Variants in BRWD1 observed in about 807,000 individuals in gnomAD.
The protein encoded by BRWD1 is bromodomain and WD repeat domain containing 1.
BRWD1 carries 82 observed loss-of-function variants against 251.2 expected under a neutral mutation model. The observed-to-expected ratio is 0.33, with a 90% confidence interval of 0.27 to 0.39. BRWD1 has a LOEUF of 0.39. Among genes scored for constraint, BRWD1 ranks in the 10% least tolerant of loss-of-function variants. BRWD1 has a pLI of 1.00. For synonymous variants in BRWD1, 918 were observed against 902.8 expected, an observed-to-expected ratio of 1.02 and a Z score of -0.30; for missense variants, 2,233 against 2,711.6, an observed-to-expected ratio of 0.82 and a Z score of 3.92.
chr21:39,196,732 T>G lies in BRWD1; in HGVS notation c.6337A>C (p.Lys2113Gln). Residue 2113 changes from lysine (K) to glutamine (Q), a missense_variant, in exon 41 of 41, where the codon AAA (lysine) becomes CAA (glutamine). By Grantham distance (53) the Lys-to-Gln change is moderately conservative (BLOSUM62 1). This residue lies in a region of BRWD1 where 928 missense variants were observed against 970.0 expected (regional missense o/e 0.96). Transcript: ENST00000342449. Reference sequence around the variant, plus strand: ...GTTTCCTGTGAATCATGAATCACTTTTGTCTTACTAAAAGGAGCCTTTCCA... The same window carrying G: ...GTTTCCTGTGAATCATGAATCACTTGTGTCTTACTAAAAGGAGCCTTTCCA... ...TYGKAPFSKT[K>Q]VIHDSQETAE... 1 of 1,613,844 alleles carries G rather than the reference T, an allele frequency of 6.2e-7. No homozygotes were observed. Among genetic ancestry groups the G allele is most frequent in the East Asian group, 2.2e-5 (1 of 44,884 alleles).
chr21:39,230,388 C>T (rs2033563845), intron 25 of BRWD1, among the ~76,000 whole-genome samples: 1 of 152,134 alleles, frequency 6.6e-6, no homozygotes, highest in Non-Finnish European at 1.5e-5. Context: ...AAGTGCTAAG[C>T]ATAGTTTTCA....
intron 13 of BRWD1, 66 bp downstream of exon 13, chr21:39,274,308 A>C (rs1353667392): frequency 1.4e-4 from 88 of 632,236 alleles, no homozygotes; most frequent in Middle Eastern, 4.0e-4. Flanking sequence ...AGAGAGCGAG[A>C]GAGAGAGAGA....
At position 39,236,502 on chromosome 21, in the gene BRWD1, C is replaced by A. The variant is rs904189141; in HGVS notation, c.2766+93G>T. The A allele has an allele frequency of 2.6e-6, 3 of 1,160,342 alleles. No individual in the cohort carries two copies. In the African/African-American group the frequency reaches 4.7e-5, roughly 18 times the overall value. The allele number at this position is 1,160,342 out of a possible 1,614,324, so 71.9% of individuals were successfully genotyped here. A position where few individuals can be genotyped will look rare whatever the true frequency, so the allele number is the denominator to read the frequency against. ...CCAAGACACCCAAGGCACCACTATG[C>A]CAGTATCACGAGAAATGTTAAAACA... On this transcript the variant is annotated intron_variant, in intron 23 of 40. Transcript: ENST00000342449.
intron 6 of BRWD1, among the ~76,000 whole-genome samples, 180 bp from the exon 7 acceptor site, chr21:39,296,083 G>T (rs1159709786): frequency 6.6e-6 from 1 of 151,970 alleles, no homozygotes; most frequent in African/African-American, 2.4e-5. Flanking sequence ...ACTATAAAAA[G>T]ATTTTTTATT....
rs985170104 is a variant in BRWD1 at position 39,298,014 on chromosome 21, T to C, written c.349+418A>G. 3 of 985,978 alleles carry C rather than the reference T, an allele frequency of 3.0e-6. No homozygotes were observed. In the African/African-American group the frequency reaches 5.2e-5, roughly 17 times the overall value. The allele number at this position is 985,978 out of a possible 1,614,324, so 61.1% of individuals were successfully genotyped here. ...CTTGTTTTCAAGCTGCTACCAAATT[T>C]AGAAAATCACTTCCCTTTATAACAA... is the stretch of plus-strand genomic sequence containing the variant. On this transcript the variant is annotated intron_variant, in intron 5 of 40. Transcript: ENST00000342449.
intron 17 of BRWD1, among the ~76,000 whole-genome samples, chr21:39,264,201 G>GTA (rs1187588426): frequency 6.6e-6 from 1 of 152,074 alleles, no homozygotes; most frequent in African/African-American, 2.4e-5. Context: ...TTTGATAATA[G>GTA]TATTATCTGA....
intron 18 of BRWD1, among the ~76,000 whole-genome samples, chr21:39,257,342 T>C (rs952488087): frequency 1.3e-5 from 2 of 152,130 alleles, no homozygotes; most frequent in Non-Finnish European, 2.9e-5. Flanking sequence ...ACTGAGGACA[T>C]AGCATCAACT....
At chr21:39,231,795 C>T (rs2033626314) in intron 25 of BRWD1, among the ~76,000 whole-genome samples, 2 of 152,160 alleles carry the variant, frequency 1.3e-5, no homozygotes, top group Admixed American at 6.5e-5. Flanking sequence ...ATTATTATTT[C>T]CTTATTTTAT....
rs955221637 is a variant in BRWD1 at position 39,264,623 on chromosome 21, A to G, written c.1722T>C (p.Tyr574=). ...CCTGCTGAGTTTGCTCATCTAAGAC[A>G]TAATTATTAGAATCTCTAATAAGTG... ...YRPLIRDSNN[Y]VLDEQTQQAP... Residue 574 remains tyrosine, a synonymous_variant, in exon 17 of 41, where the codon TAT becomes TAC. Transcript: ENST00000342449. 4 of 1,613,232 alleles carry G rather than the reference A, an allele frequency of 2.5e-6. No homozygotes were observed. The highest frequency in any genetic ancestry group is 2.7e-5 in the African/African-American group (2 of 75,020).
intron 16 of BRWD1, 98 bp downstream of exon 16, chr21:39,264,793 C>G: frequency 6.5e-7 from 1 of 1,529,616 alleles, no homozygotes; most frequent in Non-Finnish European, 8.9e-7. Context: ...TCAAATCACT[C>G]AGCTAAACTG....
chr21:39,214,669 A>G (rs892998239), intron 32 of BRWD1, among the ~76,000 whole-genome samples: 1 of 152,096 alleles, frequency 6.6e-6, no homozygotes, highest in Non-Finnish European at 1.5e-5. Context: ...GTAGTTATAT[A>G]AAATGTTAAC....
chr21:39,229,873 G>A (rs1411285871), intron 25 of BRWD1, among the ~76,000 whole-genome samples: 1 of 152,004 alleles, frequency 6.6e-6, no homozygotes, highest in Non-Finnish European at 1.5e-5. Flanking sequence ...ACCTGGGACT[G>A]ACTACAGGTA....
chr21:39,217,534 T>G (rs1017594590), intron 31 of BRWD1: 2 of 163,120 alleles, frequency 1.2e-5, no homozygotes, highest in African/African-American at 4.8e-5. Context: ...ATGGATGGAC[T>G]TTTGATGAAA....
chr21:39,277,702 T>A (rs1464637667), intron 10 of BRWD1, among the ~76,000 whole-genome samples: 1 of 152,080 alleles, frequency 6.6e-6, no homozygotes, highest in African/African-American at 2.4e-5. Context: ...TAGCTGGGAT[T>A]ACAGGAGCAC....
chr21:39,287,048 A>T (rs1300735738), intron 8 of BRWD1, among the ~76,000 whole-genome samples: 1 of 152,214 alleles, frequency 6.6e-6, no homozygotes, highest in Non-Finnish European at 1.5e-5. Flanking sequence ...CCTTGCTGAC[A>T]TCATCACTTC....
At position 39,188,827 on chromosome 21, in the gene BRWD1, A is replaced by G. The variant is rs927005417; in HGVS notation, c.*7432T>C. 4 of 985,258 alleles carry G rather than the reference A, an allele frequency of 4.1e-6. No homozygotes were observed. Among genetic ancestry groups the G allele is most frequent in the Non-Finnish European group, 4.8e-6 (4 of 829,904 alleles). 61.0% of individuals were successfully genotyped at this position (985,258 alleles called of 1,614,324 possible). ...TTGCCAACTAACTTATGTGATTCAC[A>G]TGTTTTTCCAGTGAAATTCTAAGGG... On this transcript the variant is annotated 3_prime_UTR_variant, in exon 41 of 41. Transcript: ENST00000342449.
chr21:39,201,256 C>G (rs1362606588), intron 38 of BRWD1, among the ~76,000 whole-genome samples: 1 of 152,162 alleles, frequency 6.6e-6, no homozygotes, highest in Non-Finnish European at 1.5e-5. Flanking sequence ...ATCCTTTGAA[C>G]TTGTTCTACT....
chr21:39,229,327 T>C lies in BRWD1; in HGVS notation c.3110A>G (p.Lys1037Arg), dbSNP rs374123465. ...TAATACATACCTAATAGAGAAAGAT[T>C]TGTCCATAAGTTTTCCAGTTGCTGG... ...IDPATGKLMDKSFSIRYHDMP... is the reference protein window; with the variant it reads ...IDPATGKLMDRSFSIRYHDMP... Residue 1037 changes from lysine to arginine, a missense_variant, in exon 26 of 41, where the codon AAA becomes AGA. This residue lies in a region of BRWD1 where 139 missense variants were observed against 272.8 expected (regional missense o/e 0.51). Transcript: ENST00000342449. 9 of 1,600,270 alleles carry C rather than the reference T, an allele frequency of 5.6e-6. No homozygotes were observed. The highest frequency in any genetic ancestry group is 2.7e-5 in the African/African-American group (2 of 74,560).
At chr21:39,285,438 T>C (rs899334319) in intron 8 of BRWD1, among the ~76,000 whole-genome samples, 2 of 152,130 alleles carry the variant, frequency 1.3e-5, no homozygotes, top group African/African-American at 2.4e-5. Context: ...CAAATAACAA[T>C]GTGATAGACA....
Sources: gnomAD v4.1 joint callset for allele counts (sites outside exome capture counted in the v4.1 genomes callset) on GRCh38, gnomAD v4.1.1 for gene constraint, gnomAD v4.1.1 regional missense constraint, MANE v1.5 for transcripts, NCBI Gene and HGNC (gene_info 2026-07-23, HGNC 2026-07-21) for gene names.